Variants in LRMDA observed in about 807,000 individuals in gnomAD.
The protein encoded by LRMDA is leucine rich melanocyte differentiation associated.
In LRMDA, 18 loss-of-function variants were observed where a neutral mutation model predicts 29.8. That is an observed-to-expected ratio of 0.60 (90% CI 0.42 to 0.90). LRMDA has a LOEUF of 0.90. Ranked by LOEUF, LRMDA falls within the 40% of genes least tolerant of loss-of-function variation. The pLI is 0.00. For synonymous variants in LRMDA, 125 were observed against 109.4 expected (o/e 1.14, Z -0.89); for missense variants, 273 against 273.9 (o/e 1.00, Z 0.02).
intron 6 of LRMDA, among the ~76,000 whole-genome samples, chr10:76,540,380 A>G: frequency 6.6e-6 from 1 of 152,238 alleles, no homozygotes; most frequent in East Asian, 1.9e-4. Context: ...TTTGGTGGTG[A>G]AGAGAATTAT....
intron 2 of LRMDA, among the ~76,000 whole-genome samples, chr10:75,615,359 A>G (rs942207677): frequency 6.6e-6 from 1 of 152,160 alleles, no homozygotes; most frequent in Non-Finnish European, 1.5e-5. Flanking sequence ...TGATTTTGGA[A>G]TGTTTGCATT....
intron 2 of LRMDA, among the ~76,000 whole-genome samples, chr10:75,881,952 TGTG>T: frequency 6.6e-6 from 1 of 152,212 alleles, no homozygotes; most frequent in Non-Finnish European, 1.5e-5. Context: ...GATATGGTGT[TGTG>T]GTGGGACCTT....
chr10:75,533,403 G>C (rs559352270), intron 2 of LRMDA, among the ~76,000 whole-genome samples: 2 of 152,312 alleles, frequency 1.3e-5, no homozygotes, highest in East Asian at 3.9e-4. Context: ...TCAGGAAAAG[G>C]CTGACAAGGG....
At chr10:75,861,231 G>T (rs952514702) in intron 2 of LRMDA, among the ~76,000 whole-genome samples, 4 of 152,216 alleles carry the variant, frequency 2.6e-5, no homozygotes, top group African/African-American at 4.8e-5. Context: ...TATTAACCAA[G>T]CCCATGGGGT....
chr10:75,506,953 A>G (rs1181477747), intron 2 of LRMDA, among the ~76,000 whole-genome samples: 1 of 151,994 alleles, frequency 6.6e-6, no homozygotes, highest in Non-Finnish European at 1.5e-5. Flanking sequence ...TCCCCCATTT[A>G]GCTCTCTTGG....
At chr10:75,868,930 GT>G (rs1297692535) in intron 2 of LRMDA, among the ~76,000 whole-genome samples, 1 of 152,186 alleles carries the variant, frequency 6.6e-6, no homozygotes, top group Non-Finnish European at 1.5e-5. Context: ...AGGACATCCT[GT>G]CCTCCCAAAG....
intron 6 of LRMDA, among the ~76,000 whole-genome samples, chr10:76,551,132 C>T (rs190776290): frequency 6.0e-5 from 9 of 151,252 alleles, no homozygotes; most frequent in Non-Finnish European, 3.0e-5. Flanking sequence ...CTCTTTAGGC[C>T]AGATGATAAT....
chr10:76,142,082 T>C (rs1021035156), intron 5 of LRMDA, among the ~76,000 whole-genome samples: 1 of 152,032 alleles, frequency 6.6e-6, no homozygotes, highest in African/African-American at 2.4e-5. Context: ...TTCTCTGTGG[T>C]CCTAGGCTGC....
Position 76,025,424 on chromosome 10 carries a change from C to G in LRMDA, c.132-10584C>G, listed in dbSNP as rs542763305. On this transcript the variant is annotated intron_variant, in intron 2 of 6. Coordinates refer to ENST00000611255, the MANE Select transcript of LRMDA (RefSeq NM_001305581.2). Reference sequence around the variant, plus strand: ...CCCTCATTGCTTTCCTCTCAACTTCCAGAGCTCATCTTATCCATGCTGCTT... The same window carrying G: ...CCCTCATTGCTTTCCTCTCAACTTCGAGAGCTCATCTTATCCATGCTGCTT... 2.0e-3 allele frequency among the ~76,000 whole-genome samples: 302 copies of G among 151,676 alleles called. 3 individuals are homozygous for G. The highest frequency in any genetic ancestry group is 7.2e-3 in the African/African-American group (298 of 41,318).
intron 2 of LRMDA, among the ~76,000 whole-genome samples, chr10:75,877,969 G>A (rs1017983757): frequency 1.3e-5 from 2 of 152,166 alleles, no homozygotes; most frequent in East Asian, 3.9e-4. Flanking sequence ...GGTGTGGCTC[G>A]CTTCTTTGAT....
At chr10:76,350,946 C>T (rs1197953395) in intron 6 of LRMDA, among the ~76,000 whole-genome samples, 1 of 152,102 alleles carries the variant, frequency 6.6e-6, no homozygotes, top group Non-Finnish European at 1.5e-5. Context: ...CAAACCACAA[C>T]ACAACCTAGC....
At chr10:75,966,498 C>A (rs2132434105) in intron 2 of LRMDA, among the ~76,000 whole-genome samples, 1 of 152,304 alleles carries the variant, frequency 6.6e-6, no homozygotes, top group East Asian at 1.9e-4. Context: ...TCTTGCTGTC[C>A]TACCCAGTAC....
intron 6 of LRMDA, among the ~76,000 whole-genome samples, chr10:76,484,141 C>CT (rs1317518508): frequency 6.6e-6 from 1 of 151,450 alleles, no homozygotes; most frequent in Admixed American, 6.6e-5. Context: ...CCTTTTCTTA[C>CT]TTTTTCTTGT....
intron 5 of LRMDA, among the ~76,000 whole-genome samples, chr10:76,179,890 A>G (rs574502245): frequency 1.6e-4 from 25 of 152,338 alleles, no homozygotes; most frequent in African/African-American, 5.5e-4. Flanking sequence ...TTCTCATCAG[A>G]GTCCCTAAGA....
At chr10:76,056,870 A>G (rs957912796) in intron 4 of LRMDA, among the ~76,000 whole-genome samples, 2 of 151,964 alleles carry the variant, frequency 1.3e-5, no homozygotes, top group Non-Finnish European at 2.9e-5. Context: ...TGCCCCACCA[A>G]CTCAGGAGGG....
intron 5 of LRMDA, among the ~76,000 whole-genome samples, chr10:76,254,418 A>ATGCTATGCTATGCTATGCTATGCTATG (rs1564701610): frequency 1.5e-5 from 1 of 64,978 alleles, no homozygotes; most frequent in Non-Finnish European, 3.8e-5. Flanking sequence ...GCTATGCTAT[A>ATGCTATGCTATGCTATGCTATGCTATG]CTATACTATA....
intron 2 of LRMDA, among the ~76,000 whole-genome samples, chr10:75,635,677 A>G (rs879928461): frequency 4.6e-5 from 7 of 152,176 alleles, no homozygotes; most frequent in Non-Finnish European, 7.3e-5. Context: ...GATGAAAAAA[A>G]TTGGTCGTTA....
intron 2 of LRMDA, among the ~76,000 whole-genome samples, chr10:75,600,989 T>C (rs919626456): frequency 6.6e-6 from 1 of 152,240 alleles, no homozygotes; most frequent in African/African-American, 2.4e-5. Context: ...TTTCCCTCTT[T>C]CCTTGTTTAC....
intron 6 of LRMDA, among the ~76,000 whole-genome samples, chr10:76,482,832 T>C (rs1400629174): frequency 1.3e-5 from 2 of 151,984 alleles, no homozygotes; most frequent in African/African-American, 2.4e-5. Context: ...CAGCATGTTG[T>C]TCAATACCAA....
Sources: gnomAD v4.1 joint callset for allele counts (sites outside exome capture counted in the v4.1 genomes callset) on GRCh38, gnomAD v4.1.1 for gene constraint, MANE v1.5 for transcripts, NCBI Gene and HGNC (gene_info 2026-07-23, HGNC 2026-07-21) for gene names.